The following CSMD1 variants were observed in gnomAD, a reference collection of about 807,000 sequenced individuals.
CSMD1 encodes CUB and sushi domain-containing protein 1.
CSMD1 carries 213 observed loss-of-function variants against 417.5 expected under a neutral mutation model. The ratio of observed to expected loss-of-function variants is 0.51; its 90% confidence interval spans 0.46 to 0.57. The LOEUF (loss-of-function observed/expected upper bound fraction) is 0.57. Among genes scored for constraint, CSMD1 ranks in the 20% least tolerant of loss-of-function variants. The pLI is 0.00. For synonymous variants in CSMD1, 2,862 were observed against 1,736.8 expected, an observed-to-expected ratio of 1.65 and a Z score of -16.11; for missense variants, 6,923 against 4,529.7, an observed-to-expected ratio of 1.53 and a Z score of -15.17.
intron 6 of CSMD1, among the ~76,000 whole-genome samples, chr8:3,712,522 C>G (rs1801585710): frequency 6.6e-6 from 1 of 152,188 alleles, no homozygotes; most frequent in South Asian, 2.1e-4. Context: ...ATAGCCTCTT[C>G]TTTCTCCTGA....
chr8:3,229,182 A>G (rs951403534), intron 27 of CSMD1, among the ~76,000 whole-genome samples: 1 of 152,178 alleles, frequency 6.6e-6, no homozygotes, highest in Non-Finnish European at 1.5e-5. Flanking sequence ...AGGTCATCCT[A>G]TGCAAAATGG....
chr8:4,628,856 C>T (rs1210460107), intron 2 of CSMD1, among the ~76,000 whole-genome samples: 2 of 152,054 alleles, frequency 1.3e-5, no homozygotes, highest in Non-Finnish European at 2.9e-5. Context: ...TCTAGAAATT[C>T]GTTGATGGTG....
At chr8:3,980,019 T>C (rs1051856394) in intron 5 of CSMD1, among the ~76,000 whole-genome samples, 1 of 152,254 alleles carries the variant, frequency 6.6e-6, no homozygotes, top group African/African-American at 2.4e-5. Flanking sequence ...AAACTGTGTA[T>C]TCACATGGCA....
chr8:4,720,244 G>A (rs1042815333), intron 1 of CSMD1, among the ~76,000 whole-genome samples: 2 of 151,720 alleles, frequency 1.3e-5, no homozygotes, highest in African/African-American at 4.8e-5. Flanking sequence ...TAAAGGGAAT[G>A]TATCATTTTT....
chr8:4,082,034 T>C (rs1178131275), intron 3 of CSMD1, among the ~76,000 whole-genome samples: 1 of 151,806 alleles, frequency 6.6e-6, no homozygotes, highest in Non-Finnish European at 1.5e-5. Context: ...AATAGAGAAA[T>C]TAGGAAAGCC....
chr8:4,360,079 G>C (rs528652503), intron 3 of CSMD1, among the ~76,000 whole-genome samples: 1 of 152,068 alleles, frequency 6.6e-6, no homozygotes. Context: ...CTGGGATCTC[G>C]GACAAGTTAC....
intron 4 of CSMD1, among the ~76,000 whole-genome samples, chr8:4,012,397 T>A (rs1390739278): frequency 6.6e-6 from 1 of 152,186 alleles, no homozygotes; most frequent in Non-Finnish European, 1.5e-5. Context: ...CTCATCCAGT[T>A]TGCGTCGCGT....
At chr8:3,838,860 C>G (rs1380328305) in intron 5 of CSMD1, among the ~76,000 whole-genome samples, 2 of 115,434 alleles carry the variant, frequency 1.7e-5, no homozygotes, top group Non-Finnish European at 3.3e-5. Flanking sequence ...ATTATATATA[C>G]TATTAATTAT....
chr8:3,906,437 G>A (rs1298036510), intron 5 of CSMD1, among the ~76,000 whole-genome samples: 1 of 152,076 alleles, frequency 6.6e-6, no homozygotes, highest in South Asian at 2.1e-4. Context: ...AATGTTTAAT[G>A]CCTTAGAAAT....
rs112945221 is a variant in CSMD1 at position 4,691,012 on chromosome 8, C to T, written c.86-53454G>A. Reference sequence around the variant, plus strand: ...AAAGTGCTGGGATTACAGGCATGAGCCACCGTGACTGGCCAAAATTATTTT... The same window carrying T: ...AAAGTGCTGGGATTACAGGCATGAGTCACCGTGACTGGCCAAAATTATTTT... On this transcript the variant is annotated intron_variant, in intron 1 of 69. Coordinates refer to ENST00000635120, the MANE Select transcript of CSMD1 (RefSeq NM_033225.6). Among the ~76,000 whole-genome samples, 754 of 152,290 alleles carry T rather than the reference C, an allele frequency of 5.0e-3. 11 individuals carry two copies. Among genetic ancestry groups the T allele is most frequent in the African/African-American group, 0.017 (723 of 41,556 alleles).
chr8:3,387,352 T>G, intron 18 of CSMD1, 142 bp downstream of exon 18: 1 of 612,698 alleles, frequency 1.6e-6, no homozygotes, highest in Non-Finnish European at 2.8e-6. Context: ...AATGATACGA[T>G]GATGGTATAC....
chr8:4,377,923 G>C (rs567347160), intron 3 of CSMD1, among the ~76,000 whole-genome samples: 68 of 152,276 alleles, frequency 4.5e-4, no homozygotes, highest in African/African-American at 1.6e-3. Flanking sequence ...AAATTGGGAG[G>C]TACTTAACAA....
rs774041238 is a variant in CSMD1, at chr8:4,262,438, T to C, written c.415+157515A>G. ...TTAGAAATTTAAGAACATCCTTTCA[T>C]GTTCCCCGCGCAGTGCAGGCAAAGA... On this transcript the variant is annotated intron_variant, in intron 3 of 69. Transcript: ENST00000635120. Among the ~76,000 whole-genome samples, 6 of 152,332 alleles carry C rather than the reference T, an allele frequency of 3.9e-5. No individual in the cohort carries two copies. The South Asian group carries it at 1.2e-3, about 32-fold the overall frequency.
intron 2 of CSMD1, among the ~76,000 whole-genome samples, chr8:4,550,329 GCACACACACA>G (rs35196172): frequency 3.6e-5 from 5 of 139,712 alleles, no homozygotes; most frequent in East Asian, 2.1e-4. Flanking sequence ...ATACACACAC[GCACACACACA>G]CACACACACA....
At chr8:3,264,587 C>A (rs1043474146) in intron 26 of CSMD1, among the ~76,000 whole-genome samples, 1 of 152,162 alleles carries the variant, frequency 6.6e-6, no homozygotes, top group Non-Finnish European at 1.5e-5. Flanking sequence ...TAAATATTAA[C>A]AATCATTTAT....
At chr8:3,930,156 A>T (rs1810040086) in intron 5 of CSMD1, among the ~76,000 whole-genome samples, 1 of 150,138 alleles carries the variant, frequency 6.7e-6, no homozygotes, top group Non-Finnish European at 1.5e-5. Flanking sequence ...AATAAGCTCT[A>T]TTCCAGTGAG....
intron 1 of CSMD1, among the ~76,000 whole-genome samples, chr8:4,896,218 G>C (rs978669119): frequency 6.6e-5 from 10 of 151,888 alleles, no homozygotes; most frequent in African/African-American, 2.2e-4. Flanking sequence ...TTGTCAGTCT[G>C]GTTCTTTCAA....
At chr8:4,167,631 C>A (rs1001581972) in intron 3 of CSMD1, among the ~76,000 whole-genome samples, 7 of 152,106 alleles carry the variant, frequency 4.6e-5, no homozygotes, top group Middle Eastern at 6.3e-3. Context: ...ACAGATAAAT[C>A]CATCTGTTTG....
At chr8:4,388,313 C>CACACAG (rs1803607215) in intron 3 of CSMD1, among the ~76,000 whole-genome samples, 1 of 127,490 alleles carries the variant, frequency 7.8e-6, no homozygotes, top group Non-Finnish European at 1.6e-5. Flanking sequence ...TACACACACA[C>CACACAG]ACACACAGAC....
Sources: allele counts gnomAD v4.1 joint callset (sites outside exome capture counted in the v4.1 genomes callset), GRCh38; gene constraint gnomAD v4.1.1; transcripts MANE v1.5; gene names NCBI Gene and HGNC (gene_info 2026-07-23, HGNC 2026-07-21).